FERRY3: variants seen among roughly 807,000 people sequenced by gnomAD.
FERRY3 encodes the protein protein C12orf4.
the FERRY3 span, among the ~76,000 whole-genome samples, chr12:4,490,994 C>A: frequency 6.6e-6 from 1 of 151,986 alleles, no homozygotes; most frequent in Non-Finnish European, 1.5e-5. Context: ...GGGCTGGAGA[C>A]TTATTTTGTG....
At chr12:4,508,085 C>T in the FERRY3 span, among the ~76,000 whole-genome samples, 2 of 152,080 alleles carry the variant, frequency 1.3e-5, no homozygotes, top group Non-Finnish European at 2.9e-5. Context: ...AAAGAAACTG[C>T]AGTGAACCCT....
chr12:4,489,991 T>C, the FERRY3 span: 1 of 805,544 alleles, frequency 1.2e-6, no homozygotes, highest in East Asian at 2.8e-5. Context: ...GACCTAGTTC[T>C]ACTAGGAATA....
At chr12:4,500,233 C>G in the FERRY3 span, 1 of 1,613,906 alleles carries the variant, frequency 6.2e-7, no homozygotes, top group Non-Finnish European at 8.5e-7. Flanking sequence ...CCCATAATGG[C>G]AGGATCACGA....
At chr12:4,515,914 C>G in the FERRY3 span, among the ~76,000 whole-genome samples, 1 of 151,808 alleles carries the variant, frequency 6.6e-6, no homozygotes, top group Non-Finnish European at 1.5e-5. Flanking sequence ...AATTGTATAC[C>G]TCAAATATAT....
chr12:4,503,295 G>A, the FERRY3 span, among the ~76,000 whole-genome samples: 2 of 150,938 alleles, frequency 1.3e-5, no homozygotes, highest in African/African-American at 2.4e-5. Flanking sequence ...TTAAGAAGAT[G>A]TGATTTCTAG....
At chr12:4,497,288 C>G in the FERRY3 span, among the ~76,000 whole-genome samples, 17 of 152,038 alleles carry the variant, frequency 1.1e-4, no homozygotes, top group Non-Finnish European at 2.1e-4. Flanking sequence ...ATAAGATAAA[C>G]AGCAAAAGCA....
the FERRY3 span, chr12:4,487,894 T>G: frequency 6.6e-6 from 1 of 152,144 alleles, no homozygotes; most frequent in Admixed American, 6.6e-5. Context: ...CAAGAAGCCC[T>G]TTAGAACACT....
the FERRY3 span, among the ~76,000 whole-genome samples, chr12:4,496,779 T>C: frequency 1.3e-5 from 2 of 152,236 alleles, no homozygotes; most frequent in Non-Finnish European, 2.9e-5. Context: ...TAAGAATTAT[T>C]ATCTGAGTTT....
the FERRY3 span, chr12:4,525,683 T>A: frequency 3.6e-6 from 3 of 843,312 alleles, no homozygotes; most frequent in African/African-American, 1.7e-5. Context: ...AAATAAAAAA[T>A]TTATTTTATA....
chr12:4,491,371 T>C, the FERRY3 span: 4 of 667,156 alleles, frequency 6.0e-6, no homozygotes, highest in East Asian at 1.2e-4. Context: ...CCAACTGGAT[T>C]TCCTCTAGTT....
the FERRY3 span, among the ~76,000 whole-genome samples, chr12:4,535,538 T>TA: frequency 6.6e-6 from 1 of 152,248 alleles, no homozygotes; most frequent in African/African-American, 2.4e-5. This position sits in a 1 kb window ranked among gnomAD's most constrained non-coding sequence, Gnocchi z 4.0. Context: ...GACTGTGAGA[T>TA]AGAGCACAGA....
chr12:4,530,864 C>T, the FERRY3 span, among the ~76,000 whole-genome samples: 6 of 152,024 alleles, frequency 3.9e-5, no homozygotes, highest in African/African-American at 1.4e-4. Flanking sequence ...TCGGAGGAAA[C>T]TGATACACTG....
At chr12:4,529,919 G>A in the FERRY3 span, 5 of 1,612,976 alleles carry the variant, frequency 3.1e-6, no homozygotes, top group South Asian at 5.5e-5. Flanking sequence ...TCAGTTCTGA[G>A]ATACTAACAA....
At chr12:4,497,627 A>G in the FERRY3 span, among the ~76,000 whole-genome samples, 1 of 152,248 alleles carries the variant, frequency 6.6e-6, no homozygotes, top group Non-Finnish European at 1.5e-5. Context: ...GAAGTTGAGA[A>G]TTCAGTATTC....
At chr12:4,533,365 CAGTT>C in the FERRY3 span, among the ~76,000 whole-genome samples, 19 of 152,188 alleles carry the variant, frequency 1.2e-4, no homozygotes, top group Non-Finnish European at 1.8e-4. Flanking sequence ...CGAACTTCTT[CAGTT>C]AGTATACTAA....
At chr12:4,516,853 TTAAAG>T in the FERRY3 span, among the ~76,000 whole-genome samples, 1 of 152,152 alleles carries the variant, frequency 6.6e-6, no homozygotes, top group Non-Finnish European at 1.5e-5. Flanking sequence ...ACCCTGGAAC[TTAAAG>T]TAAAAGTTGA....
At chr12:4,490,720 A>G in the FERRY3 span, 7 of 665,342 alleles carry the variant, frequency 1.1e-5, no homozygotes, top group Non-Finnish European at 1.8e-5. Flanking sequence ...ATTTGCTCGT[A>G]GGATAGGCTA....
the FERRY3 span, chr12:4,500,191 G>C: frequency 1.2e-6 from 2 of 1,614,040 alleles, no homozygotes; most frequent in Non-Finnish European, 1.7e-6. Context: ...GTGATGTCAT[G>C]GGTACAGCAA....
the FERRY3 span, among the ~76,000 whole-genome samples, chr12:4,505,715 C>T: frequency 6.6e-6 from 1 of 152,178 alleles, no homozygotes; most frequent in African/African-American, 2.4e-5. Flanking sequence ...TATGGTATTA[C>T]CCATATTAGA....
Sources: gnomAD v4.1 joint callset for allele counts (sites outside exome capture counted in the v4.1 genomes callset) on GRCh38, gnomAD v4.1.1 for gene constraint, Gnocchi (gnomAD v3.1) non-coding constraint, MANE v1.5 for transcripts, NCBI Gene and HGNC (gene_info 2026-07-23, HGNC 2026-07-21) for gene names.